RAB33A: variants seen among roughly 807,000 people sequenced by gnomAD.
RAB33A encodes the protein RAB33A, member RAS oncogene family, also known as ras-related protein Rab-33A.
Under a neutral mutation model 12.0 loss-of-function variants are expected in RAB33A, and 6 were observed. The ratio of observed to expected loss-of-function variants is 0.50; its 90% CI spans 0.27 to 0.99. The LOEUF (loss-of-function observed/expected upper bound fraction) is 0.99, where lower values mean the gene tolerates loss of function less well. Ranked by LOEUF, RAB33A falls within the 50% of genes least tolerant of loss-of-function variation. The pLI, the probability that RAB33A is intolerant of heterozygous loss-of-function variation, is 0.11. For synonymous variants in RAB33A, 70 were observed against 82.4 expected, an observed-to-expected ratio of 0.85 and a Z score of 0.81; for missense variants, 109 against 192.0, an observed-to-expected ratio of 0.57 and a Z score of 2.55.
chrX:130,177,985 G>C (rs1374721988), intron 1 of RAB33A, among the ~76,000 whole-genome samples: 1 of 111,948 alleles, frequency 8.9e-6, no homozygotes, highest in Admixed American at 9.5e-5. Context: ...GGGGCCAGGG[G>C]TTTATGAAGA....
intron 1 of RAB33A, among the ~76,000 whole-genome samples, chrX:130,181,007 CAAAAAAAAAA>C (rs60085312): frequency 3.7e-4 from 3 of 8,125 alleles, no homozygotes; most frequent in Non-Finnish European, 7.6e-4. Context: ...CAGTCCATCT[CAAAAAAAAAA>C]AAAAAAAAAA....
At chrX:130,137,432 C>G in the RAB33A span, 2 of 1,163,431 alleles carry the variant, frequency 1.7e-6, no homozygotes, top group Non-Finnish European at 2.3e-6. Flanking sequence ...ACTCTGTGCA[C>G]TTCCACCCAT....
chrX:130,172,657 G>A (rs2031624226), intron 1 of RAB33A, among the ~76,000 whole-genome samples: 1 of 111,969 alleles, frequency 8.9e-6, no homozygotes, highest in Admixed American at 9.5e-5. Flanking sequence ...GGAGGCATCT[G>A]TGGGTCCTAG....
the RAB33A span, among the ~76,000 whole-genome samples, chrX:130,147,006 C>G: frequency 1.8e-5 from 2 of 110,649 alleles, no homozygotes; most frequent in Admixed American, 9.7e-5. Context: ...CTATAAAATA[C>G]AAAAAATTAG....
At chrX:130,158,600 A>G in the RAB33A span, among the ~76,000 whole-genome samples, 1 of 108,380 alleles carries the variant, frequency 9.2e-6, no homozygotes, top group Non-Finnish European at 1.9e-5. Context: ...ATCTGTCTAG[A>G]GCAGGTATAT....
At chrX:130,124,117 T>C in the RAB33A span, among the ~76,000 whole-genome samples, 2 of 111,443 alleles carry the variant, frequency 1.8e-5, no homozygotes, top group Non-Finnish European at 3.8e-5. Context: ...GTAAAGCAAC[T>C]GGAGAAGCAA....
At chrX:130,172,375 G>A (rs764456835) in intron 1 of RAB33A, 55 bp downstream of exon 1, 14 of 1,149,118 alleles carry the variant, frequency 1.2e-5, no homozygotes, top group Non-Finnish European at 1.5e-5. Context: ...GACCTCGCCC[G>A]AGGCATAGCT....
rs1314214594 is a variant in RAB33A at position 130,172,238 on chromosome X, G to A, written c.176G>A (p.Gly59Asp). Residue 59 changes from glycine to aspartate, a missense_variant, in exon 1 of 2, where the codon GGT (glycine) becomes GAT (aspartate). Physicochemically the swap from Gly to Asp is moderately conservative, Grantham distance 94. Transcript: ENST00000257017. ...TGCCTGACCTTCCGCTTCTGCGGGG[G>A]TACCTTCCCAGACAAGACTGAAGCC... ...KTCLTFRFCG[G>D]TFPDKTEATI... 8.2e-7 allele frequency: 1 copy of A among 1,212,308 alleles called. No homozygotes were observed. The highest frequency in any genetic ancestry group is 1.1e-6 in the Non-Finnish European group (1 of 895,563).
chrX:130,163,377 C>A, the RAB33A span, among the ~76,000 whole-genome samples: 1 of 110,658 alleles, frequency 9.0e-6, no homozygotes, highest in East Asian at 2.8e-4. Context: ...CTTGCTCTTT[C>A]CCACCTGTGC....
At chrX:130,165,249 TG>T in the RAB33A span, among the ~76,000 whole-genome samples, 1 of 56,913 alleles carries the variant, frequency 1.8e-5, no homozygotes, top group African/African-American at 7.3e-5. Context: ...AAAAGGGGGG[TG>T]GGGGGTGGGG....
intron 1 of RAB33A, among the ~76,000 whole-genome samples, chrX:130,175,221 C>T (rs1037085588): frequency 6.3e-5 from 7 of 111,155 alleles, no homozygotes; most frequent in Non-Finnish European, 1.3e-4. Flanking sequence ...CCAAGCACTT[C>T]GCCACCTCAC....
the RAB33A span, among the ~76,000 whole-genome samples, chrX:130,166,782 T>C: frequency 4.5e-5 from 5 of 112,176 alleles, no homozygotes; most frequent in Non-Finnish European, 9.4e-5. Context: ...GACTTTATGA[T>C]GGGTTTAATG....
chrX:130,118,142 C>T, the RAB33A span, among the ~76,000 whole-genome samples: 2 of 112,127 alleles, frequency 1.8e-5, no homozygotes, highest in Non-Finnish European at 3.8e-5. Flanking sequence ...TGCCACTGCC[C>T]GGAAGTGTGC....
At chrX:130,179,000 G>A (rs1452209467) in intron 1 of RAB33A, among the ~76,000 whole-genome samples, 5 of 106,183 alleles carry the variant, frequency 4.7e-5, no homozygotes, top group African/African-American at 1.7e-4. Flanking sequence ...TAGGGAGCCT[G>A]CCTGCTGTGA....
the RAB33A span, among the ~76,000 whole-genome samples, chrX:130,146,412 C>G: frequency 1.8e-5 from 2 of 109,180 alleles, no homozygotes; most frequent in Non-Finnish European, 3.8e-5. Context: ...CCACTGCACT[C>G]CAGCATGGGT....
upstream of RAB33A, among the ~76,000 whole-genome samples, chrX:130,169,207 CAA>C (rs150861385): frequency 1.1e-3 from 76 of 67,441 alleles, no homozygotes; most frequent in Non-Finnish European, 1.1e-3. Flanking sequence ...GACTCCATCT[CAA>C]AAAAAAAAAA....
the RAB33A span, among the ~76,000 whole-genome samples, chrX:130,138,248 C>A: frequency 1.8e-3 from 195 of 110,810 alleles, 1 homozygote; most frequent in African/African-American, 6.0e-3. Flanking sequence ...GGCGGATCAC[C>A]AGGTCAGGAG....
chrX:130,118,506 T>C, the RAB33A span, among the ~76,000 whole-genome samples: 1 of 112,793 alleles, frequency 8.9e-6, no homozygotes, highest in African/African-American at 3.2e-5. Context: ...ACTCTTCAGT[T>C]TCCCCACCCT....
chrX:130,112,820 C>T, the RAB33A span, among the ~76,000 whole-genome samples: 3 of 110,530 alleles, frequency 2.7e-5, no homozygotes, highest in Non-Finnish European at 3.8e-5. Context: ...GAGCCGAGAT[C>T]GTGCCACTGC....
Sources: allele counts gnomAD v4.1 joint callset (sites outside exome capture counted in the v4.1 genomes callset), GRCh38; gene constraint gnomAD v4.1.1; transcripts MANE v1.5; gene names NCBI Gene and HGNC (gene_info 2026-07-23, HGNC 2026-07-21).